Variants in CREBRF observed in about 807,000 individuals in gnomAD.
The protein encoded by CREBRF is CREB3 regulatory factor, also known as UPF0474 protein C5orf41.
A neutral mutation model predicts 66.1 loss-of-function variants in CREBRF; 5 were observed. The observed-to-expected ratio is 0.08, with a 90% confidence interval of 0.04 to 0.16. The LOEUF is 0.16. CREBRF is among the 10% of genes least tolerant of loss of function. The pLI is 1.00. For missense variants in CREBRF, 531 were observed against 744.9 expected, an observed-to-expected ratio of 0.71 and a Z score of 3.34; for synonymous variants, 229 against 264.4, an observed-to-expected ratio of 0.87 and a Z score of 1.30.
intron 8 of CREBRF, among the ~76,000 whole-genome samples, chr5:173,127,162 C>CTTTT (rs70984944): frequency 6.1e-5 from 7 of 114,714 alleles, no homozygotes; most frequent in South Asian, 2.8e-4. Context: ...GTTTCTTTTT[C>CTTTT]TTTTTTTTTT....
chr5:173,127,323 T>C (rs1352710450), intron 8 of CREBRF, among the ~76,000 whole-genome samples: 1 of 151,908 alleles, frequency 6.6e-6, no homozygotes, highest in African/African-American at 2.4e-5. Flanking sequence ...CTAATTTTTG[T>C]ATTTTTAATG....
At chr5:173,130,529 CTT>C (rs538315894) in intron 8 of CREBRF, among the ~76,000 whole-genome samples, 5 of 141,770 alleles carry the variant, frequency 3.5e-5, no homozygotes, top group Admixed American at 7.1e-5. Flanking sequence ...AAATTCATTG[CTT>C]TTTTTTTTTT....
rs1462991383 is a variant in CREBRF at position 173,095,086 on chromosome 5, A to C, written c.1222+3685A>C. Among the ~76,000 whole-genome samples, 3 of 151,724 alleles carry C rather than the reference A, an allele frequency of 2.0e-5. No homozygotes were observed. The East Asian group carries it at 5.8e-4, about 29-fold the overall frequency. On this transcript the variant is annotated intron_variant, in intron 4 of 8. Transcript: ENST00000296953. ...CTGGCACCTTTGCCAAGAATTAATT[A>C]ATTGGACATAATGTGGGAATTTATT...
chr5:173,113,878 CT>C (rs1168074580), intron 7 of CREBRF, among the ~76,000 whole-genome samples: 2 of 152,154 alleles, frequency 1.3e-5, no homozygotes, highest in Admixed American at 1.3e-4. Context: ...AGAACACCTC[CT>C]TTCTCCCTTA....
chr5:173,099,564 A>G (rs1011214777), intron 4 of CREBRF, among the ~76,000 whole-genome samples: 2 of 152,182 alleles, frequency 1.3e-5, no homozygotes, highest in Admixed American at 6.5e-5. Context: ...ATTGATAGGT[A>G]AGGATTTACT....
intron 7 of CREBRF, among the ~76,000 whole-genome samples, chr5:173,119,816 G>T (rs1423437943): frequency 5.3e-5 from 8 of 152,080 alleles, no homozygotes; most frequent in Non-Finnish European, 1.0e-4. Context: ...TTATGAATGG[G>T]TGTTGATGAT....
At chr5:173,108,408 A>G (rs776681162) in intron 4 of CREBRF, among the ~76,000 whole-genome samples, 2 of 152,214 alleles carry the variant, frequency 1.3e-5, no homozygotes, top group Non-Finnish European at 2.9e-5. Context: ...TGAACAGTGT[A>G]GTTATCTATG....
chr5:173,103,696 G>T (rs2113761607), intron 4 of CREBRF, among the ~76,000 whole-genome samples: 1 of 152,312 alleles, frequency 6.6e-6, no homozygotes, highest in East Asian at 1.9e-4. Flanking sequence ...TTTTAATAGA[G>T]CCTTTTCTGT....
Position 173,080,648 on chromosome 5 carries a change from C to A in CREBRF, c.-128C>A. ...TCCAAGCAATTGAATTGGAAGCACT[C>A]TGGGGAAACCTGCTGTTTATTGTGG... On this transcript the variant is annotated 5_prime_UTR_variant, in exon 2 of 9. The change creates a new upstream start codon in the 5' untranslated region. Transcript: ENST00000296953. 1.1e-6 allele frequency: 1 copy of A among 885,154 alleles called. No homozygotes were observed. Among genetic ancestry groups the A allele is most frequent in the Non-Finnish European group, 1.8e-6 (1 of 551,484 alleles). 54.8% of individuals were successfully genotyped at this position (885,154 alleles called of 1,614,324 possible).
At position 173,056,405 on chromosome 5, in the gene CREBRF, G is replaced by A. The variant is rs1757040825; in HGVS notation, c.-266G>A. ...GGAAGGACATAAACAAAACAAACCC[G>A]AGGCAGCATGGAGAGGGGCCGTGGC... On this transcript the variant is annotated 5_prime_UTR_variant, in exon 1 of 9. Transcript: ENST00000296953. 2.5e-6 allele frequency: 1 copy of A among 398,260 alleles called. No homozygotes were observed. The highest frequency in any genetic ancestry group is 1.3e-4 in the South Asian group (1 of 7,866). 24.7% of individuals were successfully genotyped at this position (398,260 alleles called of 1,614,324 possible). A position where few individuals can be genotyped will look rare whatever the true frequency, so the allele number is the denominator to read the frequency against.
At chr5:173,114,540 T>C (rs184050498) in intron 7 of CREBRF, among the ~76,000 whole-genome samples, 67 of 152,368 alleles carry the variant, frequency 4.4e-4, no homozygotes, top group African/African-American at 1.6e-3. Context: ...TATTTTAGTA[T>C]TAAAAATTTG....
chr5:173,118,141 T>C (rs1316528028), intron 7 of CREBRF, among the ~76,000 whole-genome samples: 1 of 152,066 alleles, frequency 6.6e-6, no homozygotes, highest in Non-Finnish European at 1.5e-5. Context: ...CCCAAAGTGC[T>C]GGGATTACAG....
chr5:173,110,734 CAT>C (rs755067882), intron 6 of CREBRF, 23 bp downstream of exon 6: 6 of 1,578,988 alleles, frequency 3.8e-6, no homozygotes, highest in South Asian at 3.5e-5. Context: ...AATGTTCACT[CAT>C]GTGAAGAAAG....
At chr5:173,127,381 C>T (rs574897990) in intron 8 of CREBRF, among the ~76,000 whole-genome samples, 1 of 151,470 alleles carries the variant, frequency 6.6e-6, no homozygotes, top group South Asian at 2.1e-4. Context: ...AAGTCCTGAC[C>T]TCAAGTGATC....
At position 173,108,893 on chromosome 5, in the gene CREBRF, G is replaced by A. The variant is rs951340334; in HGVS notation, c.1417+75G>A. 103 of 1,354,250 alleles carry A rather than the reference G, an allele frequency of 7.6e-5. 1 individual carries two copies. The South Asian group carries it at 8.7e-4, about 11-fold the overall frequency. 83.9% of individuals were successfully genotyped at this position (1,354,250 alleles called of 1,614,324 possible). ...GCTACTAATCCATAATGTTTACTCC[G>A]TGTACCTAGGCATTCAGCCCTTCCT... is the stretch of plus-strand genomic sequence containing the variant. On this transcript the variant is annotated intron_variant, in intron 5 of 8. Transcript: ENST00000296953.
chr5:173,081,071 A>C (rs963051879), intron 2 of CREBRF, among the ~76,000 whole-genome samples: 4 of 152,222 alleles, frequency 2.6e-5, no homozygotes, highest in South Asian at 2.1e-4. Flanking sequence ...CTTGAAAATT[A>C]GTCTGCCACA....
Position 173,090,704 on chromosome 5 carries a change from A to C in CREBRF, c.525A>C (p.Lys175Asn). The C allele has an allele frequency of 6.2e-7, 1 of 1,614,128 alleles. No individual in the cohort carries two copies. The highest frequency in any genetic ancestry group is 1.3e-5 in the African/African-American group (1 of 75,036). Residue 175 changes from lysine (K) to asparagine (N), a missense_variant, in exon 4 of 9, where the codon AAA (lysine) becomes AAC (asparagine). Coordinates refer to ENST00000296953, the MANE Select transcript of CREBRF (RefSeq NM_153607.3). The surrounding 1 kb of genome is among the most constrained non-coding windows in gnomAD (Gnocchi z 4.5). Reference protein sequence around the residue: ...QNPLPSSFPGKKITSRAAAPV... With the variant: ...QNPLPSSFPGNKITSRAAAPV... ...CCTTACCCTCTTCATTCCCTGGTAAAAAGATCACAAGCAGAGCAGCTGCTC... is the reference window on the plus strand; with the variant it reads ...CCTTACCCTCTTCATTCCCTGGTAACAAGATCACAAGCAGAGCAGCTGCTC...
intron 7 of CREBRF, among the ~76,000 whole-genome samples, chr5:173,121,865 T>C (rs948946361): frequency 2.6e-5 from 4 of 152,020 alleles, no homozygotes; most frequent in Non-Finnish European, 5.9e-5. Context: ...TTGCCATTTT[T>C]TTTAGTTGGA....
chr5:173,058,080 C>T (rs1228264482), intron 1 of CREBRF, among the ~76,000 whole-genome samples: 2 of 150,402 alleles, frequency 1.3e-5, no homozygotes, highest in African/African-American at 4.9e-5. Flanking sequence ...GGGTGTAAAT[C>T]TTGTGATCTG....
Sources: allele counts gnomAD v4.1 joint callset (sites outside exome capture counted in the v4.1 genomes callset), GRCh38; gene constraint gnomAD v4.1.1; non-coding constraint Gnocchi (gnomAD v3.1); transcripts MANE v1.5; gene names NCBI Gene and HGNC (gene_info 2026-07-23, HGNC 2026-07-21).